Variants in NSUN6 observed in about 807,000 individuals in gnomAD.
NSUN6 encodes the protein tRNA (cytosine(72)-C(5))-methyltransferase NSUN6.
In NSUN6, 64 loss-of-function variants were observed where a neutral mutation model predicts 58.0. The observed-to-expected ratio is 1.10, with a 90% confidence interval of 0.90 to 1.36. The LOEUF (loss-of-function observed/expected upper bound fraction) is 1.36, where lower values mean the gene tolerates loss of function less well. Ranked by LOEUF, NSUN6 falls within the 40% of genes most tolerant of loss-of-function variation. The probability of loss-of-function intolerance (pLI) is 0.00; values close to 1 mark genes in which losing one functional copy is unlikely to be tolerated. For synonymous variants in NSUN6, 231 were observed against 193.9 expected, an observed-to-expected ratio of 1.19 and a Z score of -1.59; for missense variants, 701 against 550.1, an observed-to-expected ratio of 1.27 and a Z score of -2.74.
intron 8 of NSUN6, among the ~76,000 whole-genome samples, chr10:18,568,599 T>C (rs1434664473): frequency 6.6e-6 from 1 of 150,732 alleles, no homozygotes; most frequent in Non-Finnish European, 1.5e-5. Flanking sequence ...CCATTCCACA[T>C]TCAAATCCCC....
chr10:18,574,049 G>A (rs997097413), intron 8 of NSUN6, among the ~76,000 whole-genome samples: 3 of 152,074 alleles, frequency 2.0e-5, no homozygotes, highest in Admixed American at 1.3e-4. Context: ...ACTCTCCCCA[G>A]AAAAGCCATT....
At chr10:18,586,318 T>C (rs1348544774) in intron 7 of NSUN6, among the ~76,000 whole-genome samples, 2 of 152,284 alleles carry the variant, frequency 1.3e-5, no homozygotes, top group East Asian at 1.9e-4. Flanking sequence ...CCGCAGACCC[T>C]TGCGATGAGT....
chr10:18,596,156 T>A (rs553294636), intron 7 of NSUN6, 52 bp downstream of exon 7: 1 of 1,482,526 alleles, frequency 6.7e-7, no homozygotes, highest in South Asian at 1.2e-5. Flanking sequence ...AAATTACACA[T>A]TGTGAAATAT....
intron 3 of NSUN6, among the ~76,000 whole-genome samples, chr10:18,626,785 A>G (rs2058825186): frequency 6.6e-6 from 1 of 152,108 alleles, no homozygotes; most frequent in African/African-American, 2.4e-5. Context: ...GGAAAAAAAA[A>G]GATGGAAATC....
At chr10:18,591,378 A>G (rs911126474) in intron 7 of NSUN6, among the ~76,000 whole-genome samples, 6 of 152,166 alleles carry the variant, frequency 3.9e-5, no homozygotes, top group African/African-American at 1.4e-4. Context: ...TTATGAGGCC[A>G]GCATCATCCT....
chr10:18,602,332 C>T (rs1490190969), intron 6 of NSUN6, among the ~76,000 whole-genome samples: 1 of 151,704 alleles, frequency 6.6e-6, no homozygotes, highest in African/African-American at 2.4e-5. Context: ...CAAGCTCCGT[C>T]TCCCAGGTTC....
At chr10:18,619,845 AGATCTT>A (rs2058539513) in intron 3 of NSUN6, among the ~76,000 whole-genome samples, 1 of 152,330 alleles carries the variant, frequency 6.6e-6, no homozygotes, top group Non-Finnish European at 1.5e-5. Context: ...ATATCATTTG[AGATCTT>A]GATATAAGAA....
intron 6 of NSUN6, among the ~76,000 whole-genome samples, chr10:18,599,757 T>C (rs1332562942): frequency 1.3e-5 from 2 of 152,196 alleles, no homozygotes; most frequent in African/African-American, 4.8e-5. Context: ...CCTCTTTAAA[T>C]TGTTTACAAG....
chr10:18,594,534 T>C (rs969146923), intron 7 of NSUN6, among the ~76,000 whole-genome samples: 4 of 151,878 alleles, frequency 2.6e-5, no homozygotes, highest in Admixed American at 2.6e-4. Flanking sequence ...CTGCAATCTC[T>C]GCCTCCCAGG....
At chr10:18,658,980 A>G (rs893093647), upstream of NSUN6, among the ~76,000 whole-genome samples, 1 of 152,232 alleles carries the variant, frequency 6.6e-6, no homozygotes, top group Non-Finnish European at 1.5e-5. Flanking sequence ...GGAATAAGTC[A>G]GGAAAGAAAC....
intron 2 of NSUN6, among the ~76,000 whole-genome samples, chr10:18,643,700 C>A (rs1338517625): frequency 6.6e-6 from 1 of 152,172 alleles, no homozygotes; most frequent in Non-Finnish European, 1.5e-5. Context: ...TTCCCTCCCT[C>A]CTTCATCATT....
At chr10:18,610,755 A>C (rs2058204414) in intron 5 of NSUN6, among the ~76,000 whole-genome samples, 1 of 152,226 alleles carries the variant, frequency 6.6e-6, no homozygotes, top group Admixed American at 6.5e-5. Flanking sequence ...CAGAGAAAGA[A>C]CACGCAAATC....
intron 10 of NSUN6, among the ~76,000 whole-genome samples, chr10:18,546,704 C>G (rs2054284724): frequency 1.3e-5 from 2 of 152,048 alleles, no homozygotes; most frequent in Non-Finnish European, 2.9e-5. Flanking sequence ...AAGGTGACAC[C>G]CTGTCTCTAC....
At chr10:18,639,387 G>A (rs556192366) in intron 3 of NSUN6, among the ~76,000 whole-genome samples, 2 of 152,174 alleles carry the variant, frequency 1.3e-5, no homozygotes, top group African/African-American at 2.4e-5. Context: ...CCAGCTACTC[G>A]GGAGGCTGAG....
rs1428860326 is a variant in NSUN6, at chr10:18,616,053, T to C, written c.421+131A>G. ...AGTCCTTACTGGATAAAACCCTAAA[T>C]GCAAAGCTGGAAAAATACCCGACCA... On this transcript the variant is annotated intron_variant, in intron 4 of 10. Coordinates refer to ENST00000377304, the MANE Select transcript of NSUN6 (RefSeq NM_182543.5). 9.8e-6 allele frequency: 6 copies of C among 611,384 alleles called. No homozygotes were observed. The East Asian group carries it at 1.1e-4, about 11-fold the overall frequency. The allele number at this position is 611,384 out of a possible 1,614,324, so 37.9% of individuals were successfully genotyped here.
intron 6 of NSUN6, among the ~76,000 whole-genome samples, chr10:18,597,051 A>G (rs772535981): frequency 9.9e-5 from 15 of 152,110 alleles, no homozygotes; most frequent in Admixed American, 5.9e-4. Context: ...AAATGCAAAA[A>G]CAAACAAACA....
chr10:18,656,816 C>CT (rs59363607), upstream of NSUN6, among the ~76,000 whole-genome samples: 442 of 86,636 alleles, frequency 5.1e-3, 16 homozygotes, highest in Middle Eastern at 8.6e-3. Flanking sequence ...AGTTACAATC[C>CT]TTTTTTTTTT....
intron 7 of NSUN6, 31 bp downstream of exon 7, chr10:18,596,177 G>T (rs578039296): frequency 1.3e-6 from 2 of 1,578,662 alleles, no homozygotes; most frequent in African/African-American, 1.3e-5. Flanking sequence ...ACACTACTTT[G>T]AGAGTGGATT....
At chr10:18,619,574 T>C (rs565855887) in intron 3 of NSUN6, among the ~76,000 whole-genome samples, 47 of 152,290 alleles carry the variant, frequency 3.1e-4, no homozygotes, top group African/African-American at 1.1e-3. Flanking sequence ...CTCTAATATA[T>C]CAACTACATT....
Sources: allele counts gnomAD v4.1 joint callset (sites outside exome capture counted in the v4.1 genomes callset), GRCh38; gene constraint gnomAD v4.1.1; transcripts MANE v1.5; gene names NCBI Gene and HGNC (gene_info 2026-07-23, HGNC 2026-07-21).